DNMT3A: variants seen among roughly 807,000 people sequenced by gnomAD.
DNMT3A encodes the protein DNA methyltransferase 3 alpha.
Under a neutral mutation model 117.6 loss-of-function variants are expected in DNMT3A, and 267 were observed. The observed-to-expected ratio is 2.27, with a 90% CI of 2.05 to 2.51. DNMT3A has a LOEUF of 2.51. Ranked by LOEUF, DNMT3A falls within the 30% of genes most tolerant of loss-of-function variation. The pLI, the probability that DNMT3A is intolerant of heterozygous loss-of-function variation, is 0.00. For missense variants in DNMT3A, 1,029 were observed against 1,260.2 expected (o/e 0.82, Z 2.78); for synonymous variants, 432 against 474.8 (o/e 0.91, Z 1.17).
intron 1 of DNMT3A, among the ~76,000 whole-genome samples, chr2:25,333,423 G>A (rs997833894): frequency 5.3e-5 from 8 of 151,870 alleles, no homozygotes; most frequent in African/African-American, 1.7e-4. Context: ...TCCACCTCCC[G>A]GGTTCAAGTG....
At chr2:25,239,407 C>A in intron 19 of DNMT3A, 192 bp from the exon 20 acceptor site, 1 of 658,314 alleles carries the variant, frequency 1.5e-6, no homozygotes, top group Non-Finnish European at 2.9e-6. Flanking sequence ...GTCACTGGAA[C>A]GTTCTAGATC....
At position 25,313,986 on chromosome 2, in the gene DNMT3A, T is replaced by C; in HGVS notation, c.-2A>G. ...GCCGCTGGAGGGCATGGCGGGCATC[T>C]GGGCGCCGGGAGGCAGGCTGGGGCT... On this transcript the variant is annotated 5_prime_UTR_variant, in exon 2 of 23. Transcript: ENST00000321117. 2 of 1,542,486 alleles carry C rather than the reference T, an allele frequency of 1.3e-6. No individual in the cohort carries two copies. Among genetic ancestry groups the C allele is most frequent in the Non-Finnish European group, 1.8e-6 (2 of 1,142,556 alleles).
intron 6 of DNMT3A, among the ~76,000 whole-genome samples, chr2:25,272,710 G>T (rs959516598): frequency 5.3e-5 from 8 of 152,060 alleles, no homozygotes; most frequent in South Asian, 2.1e-4. Flanking sequence ...CTTTCTCCGG[G>T]CTCTTCCGGG....
chr2:25,273,616 C>A (rs771429939), intron 6 of DNMT3A, among the ~76,000 whole-genome samples: 6 of 152,134 alleles, frequency 3.9e-5, no homozygotes, highest in Admixed American at 6.5e-5. Flanking sequence ...CAAGACAGCT[C>A]AAAAATTGTG....
chr2:25,239,313 A>G, intron 19 of DNMT3A, 98 bp from the exon 20 acceptor site: 1 of 1,068,764 alleles, frequency 9.4e-7, no homozygotes, highest in Non-Finnish European at 1.4e-6. Flanking sequence ...AAAGCCTCTT[A>G]CTTCTCTCTC....
Position 25,246,036 on chromosome 2 carries a change from C to T in DNMT3A, c.1458G>A (p.Lys486=), listed in dbSNP as rs1373978724. 3 of 1,613,992 alleles carry T rather than the reference C, an allele frequency of 1.9e-6. No individual in the cohort carries two copies. The highest frequency in any genetic ancestry group is 1.7e-5 in the Admixed American group (1 of 60,010). Residue 486 remains lysine (K), a synonymous_variant, in exon 12 of 23, where the codon AAG becomes AAA. Coordinates refer to ENST00000321117, the MANE Select transcript of DNMT3A (RefSeq NM_022552.5). Reference sequence around the variant, plus strand: ...CAAACTTACCCTCAATGTTCCGGCACTTCTGCCGCACCTCGTACACCAGCC... The same window carrying T: ...CAAACTTACCCTCAATGTTCCGGCATTTCTGCCGCACCTCGTACACCAGCC... The part of the protein sequence containing the change: ...RERLVYEVRQ[K]CRNIEDICIS...
In DNMT3A at chr2:25,235,766, C is replaced by T. The variant is rs2149257629; in HGVS notation, c.2538G>A (p.Gln846=). 1 of 1,614,162 alleles carries T rather than the reference C, an allele frequency of 6.2e-7. No individual in the cohort carries two copies. Among genetic ancestry groups the T allele is most frequent in the Non-Finnish European group, 8.5e-7 (1 of 1,180,026 alleles). ...TCTCATTCATGAAGACAGGAAAATGCTGGTCTTTGCCCTGCTTTATGGAGT... is the reference window on the plus strand; with the variant it reads ...TCTCATTCATGAAGACAGGAAAATGTTGGTCTTTGCCCTGCTTTATGGAGT... The part of the protein sequence containing the change: ...RSNSIKQGKD[Q]HFPVFMNEKE... Residue 846 remains glutamine (Q), a synonymous_variant, in exon 22 of 23, where the codon CAG becomes CAA. Coordinates refer to ENST00000321117, the MANE Select transcript of DNMT3A (RefSeq NM_022552.5).
At chr2:25,300,691 ATTT>A (rs2033402586) in intron 2 of DNMT3A, among the ~76,000 whole-genome samples, 4 of 82,060 alleles carry the variant, frequency 4.9e-5, no homozygotes, top group African/African-American at 1.4e-4. Flanking sequence ...TTAGATATAT[ATTT>A]ATATATCTAA....
intron 1 of DNMT3A, among the ~76,000 whole-genome samples, chr2:25,332,802 C>A (rs986906895): frequency 2.0e-5 from 3 of 152,244 alleles, no homozygotes; most frequent in Non-Finnish European, 2.9e-5. Context: ...CCAGCCTGTG[C>A]GTGGATGGCA....
At chr2:25,302,480 G>A (rs1394284742) in intron 2 of DNMT3A, among the ~76,000 whole-genome samples, 1 of 152,228 alleles carries the variant, frequency 6.6e-6, no homozygotes, top group East Asian at 1.9e-4. Flanking sequence ...CGTGCCGTCT[G>A]TGGAGGGAGA....
At chr2:25,321,244 C>T (rs2034586608) in intron 1 of DNMT3A, among the ~76,000 whole-genome samples, 1 of 152,244 alleles carries the variant, frequency 6.6e-6, no homozygotes, top group South Asian at 2.1e-4. Context: ...TTTCTGGAAA[C>T]TCTAAGGAGA....
intron 21 of DNMT3A, among the ~76,000 whole-genome samples, 161 bp from the exon 22 acceptor site, chr2:25,235,986 G>A (rs1673318669): frequency 1.3e-5 from 2 of 152,182 alleles, no homozygotes; most frequent in African/African-American, 2.4e-5. Context: ...CGCAGGGCAG[G>A]AGCCTCCACA....
chr2:25,271,933 G>A (rs1279788862), intron 6 of DNMT3A, among the ~76,000 whole-genome samples: 2 of 152,160 alleles, frequency 1.3e-5, no homozygotes, highest in Admixed American at 6.5e-5. Flanking sequence ...ATGGGAGGTC[G>A]TTACACTACT....
intron 6 of DNMT3A, among the ~76,000 whole-genome samples, chr2:25,263,265 C>A (rs1186727865): frequency 6.6e-6 from 1 of 152,136 alleles, no homozygotes; most frequent in African/African-American, 2.4e-5. Flanking sequence ...TGCCTGCCTC[C>A]TCCAGGAAGC....
At chr2:25,235,229 G>A (rs542199102) in intron 22 of DNMT3A, among the ~76,000 whole-genome samples, 120 of 151,722 alleles carry the variant, frequency 7.9e-4, no homozygotes, top group African/African-American at 2.7e-3. Context: ...CTGTTGCACA[G>A]GCTGGAGCAC....
chr2:25,342,001 T>TCTCCGCCTC, upstream of DNMT3A: 2 of 918,686 alleles, frequency 2.2e-6, no homozygotes, highest in Non-Finnish European at 2.6e-6. The surrounding 1 kb of genome is among the most constrained non-coding windows in gnomAD (Gnocchi z 5.9). Context: ...GCGCTCCCTC[T>TCTCCGCCTC]CTCCGCCTCC....
chr2:25,258,907 C>G (rs1676379194), intron 6 of DNMT3A, among the ~76,000 whole-genome samples: 1 of 152,168 alleles, frequency 6.6e-6, no homozygotes. Flanking sequence ...TTTGCACTGA[C>G]ACTCTAGATG....
At chr2:25,251,952 G>T in intron 6 of DNMT3A, 1 of 495,868 alleles carries the variant, frequency 2.0e-6, no homozygotes. Flanking sequence ...CCTGTCCCCC[G>T]AGGGCGCCAG....
At chr2:25,300,711 TAATATATATATATATATATATATATA>T (rs1322376761) in intron 2 of DNMT3A, among the ~76,000 whole-genome samples, 2 of 42,052 alleles carry the variant, frequency 4.8e-5, no homozygotes, top group Non-Finnish European at 8.2e-5. Context: ...CTAAATAATA[TAATATATATATATATATATATATATA>T]TATATATATA....
Sources: gnomAD v4.1 joint callset for allele counts (sites outside exome capture counted in the v4.1 genomes callset) on GRCh38, gnomAD v4.1.1 for gene constraint, Gnocchi (gnomAD v3.1) non-coding constraint, MANE v1.5 for transcripts, NCBI Gene and HGNC (gene_info 2026-07-23, HGNC 2026-07-21) for gene names.